The following WWC1 variants were observed in gnomAD, a reference collection of about 807,000 sequenced individuals.
WWC1 encodes the protein protein KIBRA.
Under a neutral mutation model 138.4 loss-of-function variants are expected in WWC1, and 55 were observed. The observed-to-expected ratio is 0.40, with a 90% confidence interval of 0.32 to 0.50. WWC1 has a LOEUF of 0.50. WWC1 is among the 20% of genes least tolerant of loss of function. WWC1 has a pLI of 0.72. For missense variants in WWC1, 1,226 were observed against 1,420.4 expected (o/e 0.86, Z 2.20); for synonymous variants, 524 against 564.9 (o/e 0.93, Z 1.03).
At chr5:168,293,363 C>A (rs1296605975) in intron 1 of WWC1, among the ~76,000 whole-genome samples, 1 of 152,102 alleles carries the variant, frequency 6.6e-6, no homozygotes, top group Non-Finnish European at 1.5e-5. Context: ...AGGTGAATTT[C>A]TTGGACTCTT....
At chr5:168,428,229 T>A in intron 12 of WWC1, 88 bp downstream of exon 12, 1 of 1,352,762 alleles carries the variant, frequency 7.4e-7, no homozygotes, top group Non-Finnish European at 1.0e-6. Flanking sequence ...GAGGCTTAGG[T>A]TTTGGCCCCC....
At chr5:168,294,539 G>A (rs962307267) in intron 1 of WWC1, among the ~76,000 whole-genome samples, 2 of 147,628 alleles carry the variant, frequency 1.4e-5, no homozygotes, top group South Asian at 2.1e-4. Flanking sequence ...ATGGAGAGGC[G>A]GCAGAAACAT....
rs1038004676 is a variant in WWC1, at chr5:168,465,028, C to T, written c.3150+66C>T. The T allele has an allele frequency of 4.6e-5, 72 of 1,560,050 alleles. No individual in the cohort carries two copies. The South Asian group carries it at 5.6e-4, about 12-fold the overall frequency. ...CCCAGAGAGTCGGGGGGCACTGCCC[C>T]GGGGAAGAGAGGCCAGAGCTCATGA... On this transcript the variant is annotated intron_variant, in intron 21 of 22. Transcript: ENST00000265293.
intron 2 of WWC1, among the ~76,000 whole-genome samples, chr5:168,374,310 C>T (rs1325525788): frequency 2.0e-5 from 3 of 151,950 alleles, no homozygotes; most frequent in African/African-American, 4.8e-5. Flanking sequence ...GGAGCAAAGT[C>T]GGGAGCTGAG....
chr5:168,349,148 A>G (rs1279810001), intron 1 of WWC1, among the ~76,000 whole-genome samples: 2 of 152,092 alleles, frequency 1.3e-5, no homozygotes, highest in Non-Finnish European at 2.9e-5. Context: ...CATCTCCACA[A>G]TGAGATGACC....
chr5:168,297,641 A>G (rs201072419), intron 1 of WWC1, among the ~76,000 whole-genome samples: 3 of 151,320 alleles, frequency 2.0e-5, no homozygotes, highest in Admixed American at 6.6e-5. Flanking sequence ...AAAAAAAAAA[A>G]AAAAAAGAAA....
intron 13 of WWC1, 146 bp from the exon 14 acceptor site, chr5:168,429,991 C>T (rs1027186935): frequency 8.0e-6 from 5 of 624,970 alleles, no homozygotes; most frequent in Non-Finnish European, 1.4e-5. Flanking sequence ...CCCTGCATGG[C>T]AGCAAAGCAC....
rs1757553157 is a variant in WWC1, at chr5:168,469,098, A to G, written c.*81A>G. The G allele has an allele frequency of 1.9e-6, 3 of 1,559,618 alleles. No homozygotes were observed. Among genetic ancestry groups the G allele is most frequent in the Non-Finnish European group, 2.6e-6 (3 of 1,133,206 alleles). The stretch of plus-strand genomic sequence containing the variant: ...GCTAAAGTTATTTATGTGGTGTTAT[A>G]TGAAGGTACTGAGTCACAAGTCCTC... On this transcript the variant is annotated 3_prime_UTR_variant, in exon 23 of 23. Transcript: ENST00000265293.
intron 11 of WWC1, among the ~76,000 whole-genome samples, chr5:168,424,964 T>G (rs1456322359): frequency 6.6e-6 from 1 of 152,240 alleles, no homozygotes; most frequent in Non-Finnish European, 1.5e-5. Flanking sequence ...GAAAACCTTT[T>G]TATCTTTAGC....
rs772086660 is a variant in WWC1, at chr5:168,399,526, C to T, written c.549C>T (p.His183=). The change falls in exon 5 of 23, where the codon CAC becomes CAT. Residue 183 remains histidine, a synonymous_variant. Transcript: ENST00000265293. Reference sequence around the variant, plus strand: ...AGAGAGAGATGGTTCACCTCCAGCACGAGCTGCAGTTCAAAGAGCGTGGCT... The same window carrying T: ...AGAGAGAGATGGTTCACCTCCAGCATGAGCTGCAGTTCAAAGAGCGTGGCT... ...KLKREMVHLQ[H]ELQFKERGFQ... 3.1e-5 allele frequency: 50 copies of T among 1,614,064 alleles called. No homozygotes were observed. Among genetic ancestry groups the T allele is most frequent in the Admixed American group, 8.3e-5 (5 of 60,004 alleles).
At chr5:168,421,352 G>A (rs573752413) in intron 9 of WWC1, among the ~76,000 whole-genome samples, 17 of 152,352 alleles carry the variant, frequency 1.1e-4, no homozygotes, top group African/African-American at 4.1e-4. Flanking sequence ...AGAGTCACTT[G>A]ACTGGAAGAG....
intron 10 of WWC1, among the ~76,000 whole-genome samples, chr5:168,423,255 C>T (rs1488351066): frequency 6.6e-6 from 1 of 150,888 alleles, no homozygotes. Flanking sequence ...CATACAAATG[C>T]AACGTAGCCA....
intron 10 of WWC1, 124 bp from the exon 11 acceptor site, chr5:168,423,409 T>G (rs1781272607): frequency 1.9e-6 from 2 of 1,080,304 alleles, no homozygotes; most frequent in Non-Finnish European, 2.6e-6. Flanking sequence ...GGGTGAAGGG[T>G]CTACCCTAGA....
chr5:168,427,472 G>A (rs1017833227), intron 11 of WWC1, among the ~76,000 whole-genome samples: 2 of 151,332 alleles, frequency 1.3e-5, no homozygotes, highest in African/African-American at 4.9e-5. Context: ...CAGGCAGTTC[G>A]ACTCAAGAGC....
At chr5:168,352,139 C>T (rs1299950009) in intron 1 of WWC1, among the ~76,000 whole-genome samples, 8 of 152,308 alleles carry the variant, frequency 5.3e-5, no homozygotes, top group Middle Eastern at 3.4e-3. Context: ...AACATTAACA[C>T]GCACGAGTCT....
chr5:168,301,552 C>T (rs1197215144), intron 1 of WWC1, among the ~76,000 whole-genome samples: 2 of 151,504 alleles, frequency 1.3e-5, no homozygotes, highest in African/African-American at 2.4e-5. Context: ...GCAGGAGAGT[C>T]GCTTGAACCT....
chr5:168,340,314 T>C (rs10079144), intron 1 of WWC1, among the ~76,000 whole-genome samples: 95,761 of 151,974 alleles, frequency 0.63, 30,399 homozygotes, highest in South Asian at 0.69. Flanking sequence ...GACCTCAGGT[T>C]ATCCACCTAT....
At chr5:168,425,021 A>T (rs1241473318) in intron 11 of WWC1, among the ~76,000 whole-genome samples, 3 of 152,186 alleles carry the variant, frequency 2.0e-5, no homozygotes, top group East Asian at 3.8e-4. Context: ...TTGGGGATAT[A>T]TTATGAGTTG....
intron 13 of WWC1, among the ~76,000 whole-genome samples, chr5:168,429,332 C>T (rs1357781022): frequency 4.1e-5 from 6 of 147,260 alleles, no homozygotes; most frequent in Admixed American, 6.9e-5. Flanking sequence ...GATCTCAGCT[C>T]GCTGCAACCT....
Sources: gnomAD v4.1 joint callset for allele counts (sites outside exome capture counted in the v4.1 genomes callset) on GRCh38, gnomAD v4.1.1 for gene constraint, MANE v1.5 for transcripts, NCBI Gene and HGNC (gene_info 2026-07-23, HGNC 2026-07-21) for gene names.